ADAMTS20: variants seen among roughly 807,000 people sequenced by gnomAD.
ADAMTS20 encodes ADAM metallopeptidase with thrombospondin type 1 motif 20, also known as A disintegrin and metalloproteinase with thrombospondin motifs 20.
Under a neutral mutation model 260.1 loss-of-function variants are expected in ADAMTS20, and 225 were observed. That is an observed-to-expected ratio of 0.87 (90% CI 0.78 to 0.97). The LOEUF is 0.97. Among genes scored for constraint, ADAMTS20 ranks in the 50% least tolerant of loss-of-function variants. The pLI is 0.00. For synonymous variants in ADAMTS20, 802 were observed against 769.5 expected (o/e 1.04, Z -0.70); for missense variants, 2,400 against 2,337.7 (o/e 1.03, Z -0.55).
intron 3 of ADAMTS20, among the ~76,000 whole-genome samples, chr12:43,514,396 T>C (rs1021598807): frequency 5.9e-5 from 9 of 151,638 alleles, no homozygotes; most frequent in Admixed American, 3.3e-4. Flanking sequence ...ACCCCATCTA[T>C]ACTAAAATTT....
At chr12:43,462,213 G>A (rs185175502) in intron 11 of ADAMTS20, among the ~76,000 whole-genome samples, 18 of 152,342 alleles carry the variant, frequency 1.2e-4, no homozygotes, top group Non-Finnish European at 2.1e-4. Context: ...CCAAGGAAGT[G>A]TTCCTTTTAC....
intron 35 of ADAMTS20, 121 bp from the exon 36 acceptor site, chr12:43,375,633 T>G: frequency 8.7e-7 from 1 of 1,145,310 alleles, no homozygotes; most frequent in Non-Finnish European, 1.2e-6. Context: ...GTCAACAAGT[T>G]AAACAAGAAA....
At position 43,544,565 on chromosome 12, in the gene ADAMTS20, T is replaced by C. The variant is rs574763792; in HGVS notation, c.453+6344A>G. 2.7e-4 allele frequency among the ~76,000 whole-genome samples: 41 copies of C among 152,258 alleles called. 1 individual carries two copies. The highest frequency in any genetic ancestry group is 2.3e-3 in the Admixed American group (35 of 15,294). On this transcript the variant is annotated intron_variant, in intron 2 of 38. Transcript: ENST00000389420. ...TACAACAAGGACGCCCTGGTCAATT[T>C]TGCCAAGAGAAGATCAGGGGAAAAG... is the stretch of plus-strand genomic sequence containing the variant.
intron 37 of ADAMTS20, among the ~76,000 whole-genome samples, chr12:43,358,492 G>A (rs1939792871): frequency 1.3e-5 from 2 of 152,156 alleles, no homozygotes; most frequent in South Asian, 4.1e-4. Flanking sequence ...TACCATGAAA[G>A]TTCAGACAGA....
Position 43,383,235 on chromosome 12 carries a change from T to C in ADAMTS20, c.4797+323A>G, listed in dbSNP as rs531907628. On this transcript the variant is annotated intron_variant, in intron 31 of 38. Transcript: ENST00000389420. ...GCTATATATTTTGAATATATTTAGT[T>C]TATGGTTCATCAATTACACCTCGAT... Among the ~76,000 whole-genome samples the C allele has an allele frequency of 3.3e-5, 5 of 152,322 alleles. No individual in the cohort carries two copies. In the South Asian group the frequency reaches 1.0e-3, roughly 32 times the overall value.
intron 4 of ADAMTS20, among the ~76,000 whole-genome samples, chr12:43,501,168 C>T (rs931092709): frequency 6.7e-6 from 1 of 149,836 alleles, no homozygotes; most frequent in Non-Finnish European, 1.5e-5. Flanking sequence ...AAGCGATTCT[C>T]CTGCCACAGC....
Position 43,354,257 on chromosome 12 carries a change from T to C in ADAMTS20, c.5685A>G (p.Gly1895=), listed in dbSNP as rs1219860928. Residue 1895 remains glycine (G), a synonymous_variant, in exon 39 of 39, where the codon GGA becomes GGG. Transcript: ENST00000389420. ...CAGTAGTCATGTGAGGAAGACACTT[T>C]CCACAGTACCCTCCACATTTGCCGA... ...RFFGKCGGYC[G]KCLPHMTTGL... is the part of the protein sequence containing the mutation. The C allele has an allele frequency of 2.5e-6, 4 of 1,595,066 alleles. No homozygotes were observed. The highest frequency in any genetic ancestry group is 3.4e-6 in the Non-Finnish European group (4 of 1,169,538).
chr12:43,539,885 G>T (rs537089213), intron 2 of ADAMTS20, among the ~76,000 whole-genome samples: 88 of 124,312 alleles, frequency 7.1e-4, no homozygotes, highest in African/African-American at 2.0e-3. Context: ...ATTAACCATA[G>T]ATTTTTTTTT....
chr12:43,464,485 A>G (rs1942118173), intron 10 of ADAMTS20, 106 bp downstream of exon 10: 3 of 1,343,752 alleles, frequency 2.2e-6, no homozygotes, highest in Non-Finnish European at 3.0e-6. Flanking sequence ...AAATTATCAG[A>G]CTTAAAAGCT....
chr12:43,502,453 A>ACGAAAAATATCG, intron 3 of ADAMTS20, 48 bp from the exon 4 acceptor site: 3 of 1,544,316 alleles, frequency 1.9e-6, no homozygotes, highest in Non-Finnish European at 2.6e-6. Context: ...ATTGGATGTG[A>ACGAAAAATATCG]CGAAAAATAT....
chr12:43,460,988 A>ATATATATATATATATATTTTT, intron 11 of ADAMTS20, among the ~76,000 whole-genome samples: 8 of 26,386 alleles, frequency 3.0e-4, no homozygotes, highest in Non-Finnish European at 4.0e-4. Context: ...ATATATATAT[A>ATATATATATATATATATTTTT]TTTTTTTTTT....
intron 3 of ADAMTS20, among the ~76,000 whole-genome samples, chr12:43,515,188 G>T (rs1187753788): frequency 6.6e-6 from 1 of 152,174 alleles, no homozygotes; most frequent in Middle Eastern, 3.2e-3. Context: ...ATAATTTTAA[G>T]TACTAAGAAT....
intron 2 of ADAMTS20, among the ~76,000 whole-genome samples, chr12:43,537,244 G>C (rs948314121): frequency 6.6e-6 from 1 of 151,492 alleles, no homozygotes; most frequent in Non-Finnish European, 1.5e-5. Flanking sequence ...TGGTAGAGAT[G>C]GGGTTTCACT....
intron 28 of ADAMTS20, among the ~76,000 whole-genome samples, chr12:43,405,227 T>TAAA (rs1565683116): frequency 2.6e-4 from 3 of 11,548 alleles, no homozygotes; most frequent in African/African-American, 7.1e-4. Context: ...ACCTCATCTC[T>TAAA]ACAAAAAAAA....
intron 17 of ADAMTS20, 51 bp from the exon 18 acceptor site, chr12:43,439,802 TGAC>T (rs1941626630): frequency 6.4e-7 from 1 of 1,559,490 alleles, no homozygotes; most frequent in African/African-American, 1.4e-5. Flanking sequence ...AATATATTCT[TGAC>T]ATCATTTTAT....
chr12:43,404,458 C>T (rs1940874241), intron 28 of ADAMTS20, among the ~76,000 whole-genome samples: 1 of 152,000 alleles, frequency 6.6e-6, no homozygotes, highest in East Asian at 1.9e-4. Context: ...TCAATTTTAG[C>T]TATAAAAATC....
chr12:43,494,972 A>C (rs1267896254), intron 4 of ADAMTS20, among the ~76,000 whole-genome samples: 1 of 152,220 alleles, frequency 6.6e-6, no homozygotes, highest in African/African-American at 2.4e-5. Context: ...AATAATATGC[A>C]TATCCAGTGG....
intron 18 of ADAMTS20, among the ~76,000 whole-genome samples, chr12:43,437,122 G>A (rs1941570630): frequency 6.6e-6 from 1 of 151,988 alleles, no homozygotes; most frequent in South Asian, 2.1e-4. Context: ...GACCTAGGAG[G>A]AAACACATAT....
chr12:43,437,499 A>C (rs1941579169), intron 18 of ADAMTS20, among the ~76,000 whole-genome samples: 1 of 152,192 alleles, frequency 6.6e-6, no homozygotes, highest in Non-Finnish European at 1.5e-5. Context: ...GGATCCACAA[A>C]ACTTCCAGAA....
Sources: gnomAD v4.1 joint callset for allele counts (sites outside exome capture counted in the v4.1 genomes callset) on GRCh38, gnomAD v4.1.1 for gene constraint, MANE v1.5 for transcripts, NCBI Gene and HGNC (gene_info 2026-07-23, HGNC 2026-07-21) for gene names.